ADARB2: variants seen among roughly 807,000 people sequenced by gnomAD.
The protein encoded by ADARB2 is adenosine deaminase RNA specific B2 (inactive).
Under a neutral mutation model 62.2 loss-of-function variants are expected in ADARB2, and 25 were observed. That is an observed-to-expected ratio of 0.40 (90% confidence interval 0.29 to 0.56). ADARB2 has a LOEUF of 0.56. ADARB2 is among the 20% of genes least tolerant of loss of function. ADARB2 has a pLI of 0.43. For missense variants in ADARB2, 1,071 were observed against 1,077.4 expected, an observed-to-expected ratio of 0.99 and a Z score of 0.08; for synonymous variants, 572 against 500.8, an observed-to-expected ratio of 1.14 and a Z score of -1.90.
At chr10:1,607,480 G>T (rs968649900) in intron 1 of ADARB2, among the ~76,000 whole-genome samples, 1 of 152,290 alleles carries the variant, frequency 6.6e-6, no homozygotes, top group African/African-American at 2.4e-5. Flanking sequence ...TGAGACACAC[G>T]TTTGAGCCAC....
At chr10:1,193,459 G>T (rs1836868793) in intron 8 of ADARB2, among the ~76,000 whole-genome samples, 1 of 152,200 alleles carries the variant, frequency 6.6e-6, no homozygotes, top group South Asian at 2.1e-4. Context: ...TTGGGGGAAT[G>T]GGGTCTTTTG....
At chr10:1,568,668 T>C (rs1215372425) in intron 1 of ADARB2, among the ~76,000 whole-genome samples, 2 of 152,134 alleles carry the variant, frequency 1.3e-5, no homozygotes, top group Non-Finnish European at 2.9e-5. Context: ...AAAATGTCAC[T>C]GTTTCCTAAG....
intron 1 of ADARB2, among the ~76,000 whole-genome samples, chr10:1,557,232 C>A (rs1335265302): frequency 4.4e-5 from 1 of 22,634 alleles, no homozygotes; most frequent in Non-Finnish European, 2.3e-4. Context: ...CTTTGCCCAG[C>A]CACCACCTCG....
At chr10:1,616,309 G>C (rs1875000) in intron 1 of ADARB2, among the ~76,000 whole-genome samples, 108,947 of 151,404 alleles carry the variant, frequency 0.72, 39,441 homozygotes, top group African/African-American at 0.81. Context: ...ATGTTTCATC[G>C]AGAAAAAAAA....
rs751268780 is a variant in ADARB2, at chr10:1,363,873, G to A, written c.232C>T (p.Leu78=). ...CCGGAGGGCGGTGGCCGCGCGGCCA[G>A]GTTGCCCACGTTGCGGTTCTCCTTC... ...EVKENRNVGN[L]AARPPPSGDR... is the part of the protein sequence containing the mutation. The change falls in exon 3 of 10, where the codon CTG becomes TTG. Residue 78 remains leucine (L), a synonymous_variant. Transcript: ENST00000381312. The A allele has an allele frequency of 5.0e-5, 75 of 1,498,194 alleles. No individual in the cohort carries two copies. The highest frequency in any genetic ancestry group is 6.3e-5 in the Non-Finnish European group (72 of 1,134,254). 92.8% of individuals were successfully genotyped at this position (1,498,194 alleles called of 1,614,324 possible). A position where few individuals can be genotyped will look rare whatever the true frequency, so the allele number is the denominator to read the frequency against.
intron 1 of ADARB2, among the ~76,000 whole-genome samples, chr10:1,639,431 A>T (rs558756923): frequency 9.1e-4 from 139 of 152,334 alleles, no homozygotes; most frequent in African/African-American, 3.2e-3. Context: ...GGTGAGCTTT[A>T]TCTGGGTGTT....
chr10:1,677,521 T>C (rs1834481578), intron 1 of ADARB2, among the ~76,000 whole-genome samples: 1 of 151,978 alleles, frequency 6.6e-6, no homozygotes, highest in Non-Finnish European at 1.5e-5. Flanking sequence ...GGGGCAACAA[T>C]GGGACCTCCT....
intron 1 of ADARB2, among the ~76,000 whole-genome samples, chr10:1,511,719 C>T (rs543118597): frequency 6.6e-6 from 1 of 151,892 alleles, no homozygotes; most frequent in South Asian, 2.1e-4. Context: ...GATACCAAGA[C>T]TTTGATACTG....
chr10:1,555,216 C>T (rs1832682643), intron 1 of ADARB2, among the ~76,000 whole-genome samples: 1 of 152,172 alleles, frequency 6.6e-6, no homozygotes, highest in Non-Finnish European at 1.5e-5. Context: ...GATTTACTTT[C>T]TTTCGGATAT....
chr10:1,416,796 G>A (rs566829160), intron 1 of ADARB2, among the ~76,000 whole-genome samples: 1 of 152,380 alleles, frequency 6.6e-6, no homozygotes, highest in Non-Finnish European at 1.5e-5. Context: ...AGTAAGTCAC[G>A]TGGTGAAACC....
At chr10:1,718,777 G>C (rs1007862788) in intron 1 of ADARB2, among the ~76,000 whole-genome samples, 1 of 152,140 alleles carries the variant, frequency 6.6e-6, no homozygotes. Context: ...GGGGCTCCAG[G>C]CTCTGGCTTC....
chr10:1,636,574 T>C (rs1196047720), intron 1 of ADARB2, among the ~76,000 whole-genome samples: 3 of 151,904 alleles, frequency 2.0e-5, no homozygotes, highest in African/African-American at 4.8e-5. Flanking sequence ...AGACCAGCAG[T>C]TGCAAGAGAT....
intron 1 of ADARB2, among the ~76,000 whole-genome samples, chr10:1,536,410 A>T (rs2131964502): frequency 6.6e-6 from 1 of 152,342 alleles, no homozygotes; most frequent in East Asian, 1.9e-4. Flanking sequence ...AATCTATGGT[A>T]TTTTGTGATA....
chr10:1,308,505 G>C (rs1409663571), intron 3 of ADARB2, among the ~76,000 whole-genome samples: 1 of 152,146 alleles, frequency 6.6e-6, no homozygotes, highest in Non-Finnish European at 1.5e-5. Flanking sequence ...CAATTCATCT[G>C]GGTAAAGACC....
chr10:1,289,050 A>G (rs950191071), intron 3 of ADARB2, among the ~76,000 whole-genome samples: 1 of 152,048 alleles, frequency 6.6e-6, no homozygotes, highest in Non-Finnish European at 1.5e-5. Context: ...TAACATCAAC[A>G]AAGACCTGAG....
intron 1 of ADARB2, among the ~76,000 whole-genome samples, chr10:1,602,264 G>C (rs748156910): frequency 2.6e-5 from 4 of 152,146 alleles, no homozygotes; most frequent in African/African-American, 9.7e-5. Flanking sequence ...TGGAGGAGCC[G>C]CTTCCCGAGG....
In ADARB2 at chr10:1,526,719, C is replaced by G. The variant is rs550724747; in HGVS notation, c.101-147559G>C. ...GCACAAACCTTTCTTCCTCATAAAT[C>G]ACCCAGCCTCGGGTGTTCCTTTCTA... On this transcript the variant is annotated intron_variant, in intron 1 of 9. Transcript: ENST00000381312. 356 of 343,066 alleles carry G rather than the reference C, an allele frequency of 1.0e-3. 4 individuals are homozygous for G. Among genetic ancestry groups the G allele is most frequent in the South Asian group, 7.3e-3 (349 of 47,648 alleles). 21.3% of individuals were successfully genotyped at this position (343,066 alleles called of 1,614,324 possible). A position where few individuals can be genotyped will look rare whatever the true frequency, so the allele number is the denominator to read the frequency against.
intron 3 of ADARB2, among the ~76,000 whole-genome samples, chr10:1,273,106 G>A (rs1831278684): frequency 6.6e-6 from 1 of 152,220 alleles, no homozygotes. Flanking sequence ...AATCCAGGAT[G>A]AGGCCATCTC....
intron 1 of ADARB2, among the ~76,000 whole-genome samples, chr10:1,644,256 C>T (rs982931003): frequency 8.5e-5 from 13 of 152,340 alleles, no homozygotes; most frequent in African/African-American, 2.4e-4. Context: ...TGCCAAGCTA[C>T]GCCACTACTG....
Sources: gnomAD v4.1 joint callset for allele counts (sites outside exome capture counted in the v4.1 genomes callset) on GRCh38, gnomAD v4.1.1 for gene constraint, MANE v1.5 for transcripts, NCBI Gene and HGNC (gene_info 2026-07-23, HGNC 2026-07-21) for gene names.